DSCAM: variants seen among roughly 807,000 people sequenced by gnomAD.
DSCAM encodes the protein DS cell adhesion molecule.
In DSCAM, 47 loss-of-function variants were observed where a neutral mutation model predicts 217.7. The ratio of observed to expected loss-of-function variants is 0.22; its 90% CI spans 0.17 to 0.28. The LOEUF is 0.28. DSCAM is among the 10% of genes least tolerant of loss of function. The pLI, the probability that DSCAM is intolerant of heterozygous loss-of-function variation, is 1.00. For missense variants in DSCAM, 2,080 were observed against 2,618.3 expected, an observed-to-expected ratio of 0.79 and a Z score of 4.49; for synonymous variants, 1,056 against 1,015.3, an observed-to-expected ratio of 1.04 and a Z score of -0.76.
At chr21:40,672,309 T>A (rs564476957) in intron 3 of DSCAM, among the ~76,000 whole-genome samples, 47 of 152,130 alleles carry the variant, frequency 3.1e-4, no homozygotes, top group Non-Finnish European at 5.6e-4. Flanking sequence ...AAAATTATAG[T>A]GCCTAATAAT....
intron 3 of DSCAM, among the ~76,000 whole-genome samples, chr21:40,522,580 T>G (rs911879190): frequency 1.3e-5 from 2 of 152,206 alleles, no homozygotes; most frequent in Non-Finnish European, 2.9e-5. Context: ...TTCTACTCTG[T>G]GAGTCCTTTA....
chr21:40,605,685 G>A (rs1420384372), intron 3 of DSCAM, among the ~76,000 whole-genome samples: 1 of 150,454 alleles, frequency 6.6e-6, no homozygotes, highest in Admixed American at 6.6e-5. Context: ...ACAGGCTACA[G>A]AATGAAAGGC....
At chr21:40,692,025 A>G (rs963413664) in intron 3 of DSCAM, among the ~76,000 whole-genome samples, 2 of 152,284 alleles carry the variant, frequency 1.3e-5, no homozygotes, top group African/African-American at 2.4e-5. Flanking sequence ...GCATACAGAC[A>G]TGTCTAAAAA....
At chr21:40,358,897 C>G (rs111665360) in intron 4 of DSCAM, among the ~76,000 whole-genome samples, 1,892 of 150,918 alleles carry the variant, frequency 0.013, 41 homozygotes, top group African/African-American at 0.044. Flanking sequence ...ATAAAGAACT[C>G]AAATCCAAAA....
In DSCAM at chr21:40,398,748, C is replaced by T. The variant is rs150363883; in HGVS notation, c.509-29503G>A. Among the ~76,000 whole-genome samples the T allele has an allele frequency of 6.2e-3, 932 of 151,188 alleles. 17 individuals carry two copies. The highest frequency in any genetic ancestry group is 0.021 in the African/African-American group (855 of 41,224). On this transcript the variant is annotated intron_variant, in intron 3 of 32. Coordinates refer to ENST00000400454, the MANE Select transcript of DSCAM (RefSeq NM_001389.5). ...CTCCTGGGTTCAAGCGATTCTACTGCCTCAACCTCCCAAGTAGCTGGGACT... is the reference window on the plus strand; with the variant it reads ...CTCCTGGGTTCAAGCGATTCTACTGTCTCAACCTCCCAAGTAGCTGGGACT...
intron 20 of DSCAM, among the ~76,000 whole-genome samples, chr21:40,112,427 G>A (rs886184183): frequency 6.6e-6 from 1 of 151,990 alleles, no homozygotes; most frequent in African/African-American, 2.4e-5. Context: ...GTATGTAGAA[G>A]GAAATTTATA....
rs185708738 is a variant in DSCAM at position 40,772,712 on chromosome 21, C to T, written c.44-63941G>A. ...CCCCTTCCCAAATACAGATAACTGCCGGAATGGTGGGCATCTGCTGTGCTG... is the reference window on the plus strand; with the variant it reads ...CCCCTTCCCAAATACAGATAACTGCTGGAATGGTGGGCATCTGCTGTGCTG... On this transcript the variant is annotated intron_variant, in intron 1 of 32. Transcript: ENST00000400454. Among the ~76,000 whole-genome samples the T allele has an allele frequency of 9.2e-5, 14 of 152,272 alleles. No individual in the cohort carries two copies. In the East Asian group the frequency reaches 1.7e-3, roughly 19 times the overall value.
intron 3 of DSCAM, among the ~76,000 whole-genome samples, chr21:40,452,274 C>CACACACACA (rs1239636245): frequency 9.3e-5 from 8 of 86,450 alleles, no homozygotes; most frequent in Non-Finnish European, 1.9e-4. Flanking sequence ...ACACAGGTAT[C>CACACACACA]CTGGAGGTAT....
chr21:40,137,496 C>G (rs2090225333), intron 18 of DSCAM, among the ~76,000 whole-genome samples: 1 of 151,894 alleles, frequency 6.6e-6, no homozygotes, highest in Non-Finnish European at 1.5e-5. Context: ...AAGCCAGATA[C>G]AAAACTGAGT....
chr21:40,142,509 T>C (rs1182266858), intron 18 of DSCAM, 49 bp downstream of exon 18: 2 of 1,605,722 alleles, frequency 1.2e-6, no homozygotes, highest in Non-Finnish European at 1.7e-6. Context: ...GCAAATTCCA[T>C]CATGCATTCT....
intron 11 of DSCAM, among the ~76,000 whole-genome samples, chr21:40,225,340 TTG>T (rs979931317): frequency 1.3e-5 from 2 of 152,188 alleles, no homozygotes; most frequent in Non-Finnish European, 2.9e-5. Flanking sequence ...GACATCTGCC[TTG>T]TGTTTAGAAG....
chr21:40,363,163 T>C (rs572436179), intron 4 of DSCAM, among the ~76,000 whole-genome samples: 68 of 152,200 alleles, frequency 4.5e-4, no homozygotes, highest in African/African-American at 1.6e-3. Flanking sequence ...TTGTTGCTAT[T>C]GTTTGCTCAT....
At chr21:40,429,434 T>G (rs1050106767) in intron 3 of DSCAM, among the ~76,000 whole-genome samples, 1 of 151,838 alleles carries the variant, frequency 6.6e-6, no homozygotes, top group Non-Finnish European at 1.5e-5. Context: ...GCCTGGCTAA[T>G]TTTTTGTATT....
At chr21:40,165,568 C>T (rs1194020329) in intron 16 of DSCAM, among the ~76,000 whole-genome samples, 1 of 152,214 alleles carries the variant, frequency 6.6e-6, no homozygotes, top group African/African-American at 2.4e-5. Context: ...AATTTAACTG[C>T]AATGCACTGA....
At position 40,013,211 on chromosome 21, in the gene DSCAM, G is replaced by A. The variant is rs762416582; in HGVS notation, c.5862C>T (p.Ala1954=). 2 of 1,613,602 alleles carry A rather than the reference G, an allele frequency of 1.2e-6. No individual in the cohort carries two copies. Among genetic ancestry groups the A allele is most frequent in the East Asian group, 2.2e-5 (1 of 44,852 alleles). Residue 1954 remains alanine, a synonymous_variant, in exon 33 of 33, where the codon GCC becomes GCT. Transcript: ENST00000400454. The stretch of plus-strand genomic sequence containing the variant: ...ACGACTGTCCTTCTCTCGTGGAGGA[G>A]GCGGAGGAGGCGGCTTCCATCGGGA... The part of the protein sequence containing the change: ...EPIPMEAASS[A]SSTREGQSWQ...
In DSCAM at chr21:40,246,911, C is replaced by A. The variant is rs890609810; in HGVS notation, c.2356+29186G>T. On this transcript the variant is annotated intron_variant, in intron 11 of 32. Transcript: ENST00000400454. Reference sequence around the variant, plus strand: ...ACTGCTGATAAAGACATACCTGAGGCTGGGAAGAAAAAGAGGTTGAATTGG... The same window carrying A: ...ACTGCTGATAAAGACATACCTGAGGATGGGAAGAAAAAGAGGTTGAATTGG... Among the ~76,000 whole-genome samples the A allele has an allele frequency of 2.6e-5, 4 of 152,002 alleles. No homozygotes were observed. In the East Asian group the frequency reaches 7.7e-4, roughly 29 times the overall value.
At chr21:40,384,258 TA>T (rs1010287113) in intron 3 of DSCAM, 3 of 152,410 alleles carry the variant, frequency 2.0e-5, no homozygotes, top group African/African-American at 7.2e-5. Context: ...TCGGGATGGT[TA>T]AAACAGAGAA....
At chr21:40,701,318 C>T (rs1009525774) in intron 2 of DSCAM, among the ~76,000 whole-genome samples, 1 of 152,076 alleles carries the variant, frequency 6.6e-6, no homozygotes, top group African/African-American at 2.4e-5. Flanking sequence ...TAGTCATTTA[C>T]CAACTCTCTC....
intron 3 of DSCAM, among the ~76,000 whole-genome samples, chr21:40,472,586 T>C (rs910644532): frequency 6.6e-6 from 1 of 152,374 alleles, no homozygotes; most frequent in Admixed American, 6.5e-5. Context: ...GGATTTGTAA[T>C]GACCAAAATC....
Sources: allele counts gnomAD v4.1 joint callset (sites outside exome capture counted in the v4.1 genomes callset), GRCh38; gene constraint gnomAD v4.1.1; transcripts MANE v1.5; gene names NCBI Gene and HGNC (gene_info 2026-07-23, HGNC 2026-07-21).